The following RNF125 variants were observed in gnomAD, a reference collection of about 807,000 sequenced individuals.
RNF125 encodes the protein ring finger protein 125.
RNF125 carries 21 observed loss-of-function variants against 26.0 expected under a neutral mutation model. That is an observed-to-expected ratio of 0.81 (90% confidence interval 0.57 to 1.16). The LOEUF is 1.16. Among genes scored for constraint, RNF125 ranks in the 50% most tolerant of loss-of-function variants. The pLI, the probability that RNF125 is intolerant of heterozygous loss-of-function variation, is 0.00. For missense variants in RNF125, 270 were observed against 299.4 expected, an observed-to-expected ratio of 0.90 and a Z score of 0.72; for synonymous variants, 95 against 109.2, an observed-to-expected ratio of 0.87 and a Z score of 0.81.
the RNF125 span, among the ~76,000 whole-genome samples, chr18:32,087,626 A>C: frequency 1.3e-5 from 2 of 151,728 alleles, no homozygotes; most frequent in Non-Finnish European, 2.9e-5. Flanking sequence ...ATATGGTTAG[A>C]GTTTTCCCTA....
chr18:32,034,306 T>TA (rs1487481404), intron 1 of RNF125, among the ~76,000 whole-genome samples: 1 of 152,226 alleles, frequency 6.6e-6, no homozygotes, highest in Non-Finnish European at 1.5e-5. Context: ...ACCTTGGCGT[T>TA]ATCTCCTTAG....
intron 4 of RNF125, among the ~76,000 whole-genome samples, chr18:32,062,900 A>G (rs1362754829): frequency 1.3e-5 from 2 of 152,166 alleles, no homozygotes; most frequent in Non-Finnish European, 2.9e-5. Context: ...GCACTCAGTA[A>G]TAAGTCTGCA....
chr18:32,038,717 G>A (rs779581168), intron 2 of RNF125, among the ~76,000 whole-genome samples: 1 of 152,112 alleles, frequency 6.6e-6, no homozygotes, highest in Non-Finnish European at 1.5e-5. Context: ...GCAATAGTAA[G>A]CCAGAGAAAG....
chr18:32,057,158 C>T (rs1323403637), intron 4 of RNF125, among the ~76,000 whole-genome samples: 1 of 151,966 alleles, frequency 6.6e-6, no homozygotes, highest in South Asian at 2.1e-4. Flanking sequence ...TTTCCTTACC[C>T]AGCACTTAAA....
At chr18:32,056,783 G>A (rs934919162) in intron 4 of RNF125, among the ~76,000 whole-genome samples, 1 of 152,152 alleles carries the variant, frequency 6.6e-6, no homozygotes, top group Non-Finnish European at 1.5e-5. Context: ...GAGAACAGGT[G>A]CAAAAGAAAC....
intron 4 of RNF125, among the ~76,000 whole-genome samples, chr18:32,050,691 GC>G (rs1294986745): frequency 6.6e-6 from 1 of 151,806 alleles, no homozygotes; most frequent in Non-Finnish European, 1.5e-5. Flanking sequence ...CTCGAAGGAA[GC>G]AGGTGACACA....
At position 32,058,432 on chromosome 18, in the gene RNF125, G is replaced by A. The variant is rs534339241; in HGVS notation, c.505-7470G>A. 6.6e-5 allele frequency among the ~76,000 whole-genome samples: 10 copies of A among 151,882 alleles called. No individual in the cohort carries two copies. The South Asian group carries it at 2.1e-3, about 32-fold the overall frequency. ...GCGATCTTGGCTCACTGTGACCTCC[G>A]CCTCTCAGGTTCAAGGGATTCTCCT... On this transcript the variant is annotated intron_variant, in intron 4 of 5. Transcript: ENST00000217740.
At chr18:32,032,624 A>G (rs1329022626) in intron 1 of RNF125, among the ~76,000 whole-genome samples, 2 of 152,126 alleles carry the variant, frequency 1.3e-5, no homozygotes, top group Non-Finnish European at 2.9e-5. Flanking sequence ...GTGGGCAGAC[A>G]ATCCTTAACA....
At chr18:32,024,994 G>A (rs2039019595) in intron 1 of RNF125, among the ~76,000 whole-genome samples, 1 of 151,968 alleles carries the variant, frequency 6.6e-6, no homozygotes, top group African/African-American at 2.4e-5. Flanking sequence ...AACCTAGGAG[G>A]CAGAGGTTGC....
chr18:32,044,126 C>G lies in RNF125; in HGVS notation c.414-1516C>G, dbSNP rs553674935. ...GGTTCAAGCGATTCTCCTGCCTCAG[C>G]CTCCTGAGTAGCTGGGATTACAGGC... On this transcript the variant is annotated intron_variant, in intron 3 of 5. Coordinates refer to ENST00000217740, the MANE Select transcript of RNF125 (RefSeq NM_017831.4). 2.6e-5 allele frequency among the ~76,000 whole-genome samples: 4 copies of G among 152,178 alleles called. No homozygotes were observed. In the South Asian group the frequency reaches 8.3e-4, roughly 32 times the overall value.
At chr18:32,057,985 G>A (rs1169333700) in intron 4 of RNF125, among the ~76,000 whole-genome samples, 2 of 151,944 alleles carry the variant, frequency 1.3e-5, no homozygotes, top group Non-Finnish European at 2.9e-5. Context: ...GCGCTAAAGT[G>A]GCCAGGCACC....
chr18:32,028,332 G>C (rs554780782), intron 1 of RNF125, among the ~76,000 whole-genome samples: 1 of 144,696 alleles, frequency 6.9e-6, no homozygotes, highest in African/African-American at 2.5e-5. Flanking sequence ...AAAATAATAG[G>C]TAGTGGTTCA....
At chr18:32,038,042 C>A (rs2039177783) in intron 2 of RNF125, among the ~76,000 whole-genome samples, 1 of 122,272 alleles carries the variant, frequency 8.2e-6, no homozygotes, top group Admixed American at 8.1e-5. Flanking sequence ...GGGTCCGTGC[C>A]ATTTTTTTTT....
At chr18:32,068,177 C>A (rs1216270913) in intron 5 of RNF125, 121 bp from the exon 6 acceptor site, 20 of 563,454 alleles carry the variant, frequency 3.5e-5, no homozygotes, top group Non-Finnish European at 6.2e-5. Context: ...CTTTGTGGAA[C>A]CTTGGACAAG....
downstream of RNF125, among the ~76,000 whole-genome samples, chr18:32,075,321 G>A (rs538820593): frequency 2.0e-5 from 3 of 152,148 alleles, no homozygotes; most frequent in African/African-American, 7.2e-5. Flanking sequence ...ATTTTGGGAG[G>A]CTGAGGTGGG....
chr18:32,075,345 G>A (rs190917676), downstream of RNF125, among the ~76,000 whole-genome samples: 71 of 152,206 alleles, frequency 4.7e-4, no homozygotes, highest in African/African-American at 1.7e-3. Flanking sequence ...ATCATCTGAG[G>A]TCAGGAGTTC....
At chr18:32,026,450 T>C (rs1230045003) in intron 1 of RNF125, among the ~76,000 whole-genome samples, 2 of 151,952 alleles carry the variant, frequency 1.3e-5, no homozygotes, top group African/African-American at 2.4e-5. Flanking sequence ...GGTTTCACCA[T>C]GTTGCTCTCA....
At chr18:32,037,572 C>T (rs570875223) in intron 2 of RNF125, among the ~76,000 whole-genome samples, 3 of 152,028 alleles carry the variant, frequency 2.0e-5, no homozygotes, top group African/African-American at 7.2e-5. Flanking sequence ...CACGGTTTCA[C>T]TATGTTAGCC....
At chr18:32,031,014 G>A (rs919099211) in intron 1 of RNF125, 4 of 152,018 alleles carry the variant, frequency 2.6e-5, no homozygotes, top group African/African-American at 9.7e-5. Context: ...CTGTGATAAC[G>A]GCATTCATCC....
Sources: gnomAD v4.1 joint callset for allele counts (sites outside exome capture counted in the v4.1 genomes callset) on GRCh38, gnomAD v4.1.1 for gene constraint, MANE v1.5 for transcripts, NCBI Gene and HGNC (gene_info 2026-07-23, HGNC 2026-07-21) for gene names.